NBN: variants seen among roughly 807,000 people sequenced by gnomAD.
NBN encodes the protein nibrin, also known as Nijmegen breakage syndrome 1 (nibrin).
NBN carries 88 observed loss-of-function variants against 90.8 expected under a neutral mutation model. The observed-to-expected ratio is 0.97, with a 90% CI of 0.82 to 1.16. The LOEUF is 1.16. Among genes scored for constraint, NBN ranks in the 50% most tolerant of loss-of-function variants. The pLI, the probability that NBN is intolerant of heterozygous loss-of-function variation, is 0.00. For synonymous variants in NBN, 328 were observed against 295.1 expected (o/e 1.11, Z -1.14); for missense variants, 894 against 869.6 (o/e 1.03, Z -0.35).
At chr8:89,947,678 AT>A in intron 12 of NBN, 145 bp downstream of exon 12, 1 of 466,090 alleles carries the variant, frequency 2.1e-6, no homozygotes, top group Non-Finnish European at 3.9e-6. Flanking sequence ...TAATAATACC[AT>A]GATCAATCCA....
At chr8:89,978,380 A>G (rs1361740616) in intron 4 of NBN, 57 bp from the exon 5 acceptor site, 1 of 1,470,728 alleles carries the variant, frequency 6.8e-7, no homozygotes, top group Non-Finnish European at 9.5e-7. Context: ...TTTTTAAAGA[A>G]AAGTTTTAAG....
chr8:89,935,640 A>G (rs1306480755), intron 15 of NBN, 28 bp from the exon 16 acceptor site: 2 of 1,601,920 alleles, frequency 1.2e-6, no homozygotes, highest in Middle Eastern at 1.7e-4. Context: ...GGGTTAAATG[A>G]TATTTAGATA....
chr8:89,974,059 C>T (rs1021708763), intron 5 of NBN, among the ~76,000 whole-genome samples: 8 of 152,036 alleles, frequency 5.3e-5, no homozygotes, highest in African/African-American at 1.9e-4. Flanking sequence ...TTCATCTAAC[C>T]TACAGTATAT....
At chr8:89,949,791 A>C (rs190841358) in intron 11 of NBN, among the ~76,000 whole-genome samples, 3 of 152,298 alleles carry the variant, frequency 2.0e-5, no homozygotes, top group East Asian at 3.9e-4. Context: ...CCTTCAAAAA[A>C]TCGCCAAAAA....
In NBN at chr8:89,937,090, A is replaced by G. The variant is rs1259580674; in HGVS notation, c.2185-15T>C. 2.5e-6 allele frequency: 4 copies of G among 1,609,764 alleles called. No individual in the cohort carries two copies. The highest frequency in any genetic ancestry group is 3.4e-6 in the Non-Finnish European group (4 of 1,177,230). On this transcript the variant is annotated splice_polypyrimidine_tract_variant and intron_variant, in intron 14 of 15. Transcript: ENST00000265433. The stretch of plus-strand genomic sequence containing the variant: ...TGATTTTGTACCTGTCAAAATTAAC[A>G]TAATTTCAAACATTTGCTCAGTGGT...
chr8:89,981,582 G>A (rs1812071912), intron 2 of NBN, 59 bp from the exon 3 acceptor site: 2 of 1,586,556 alleles, frequency 1.3e-6, no homozygotes, highest in Non-Finnish European at 1.7e-6. Flanking sequence ...ACTTCTCAGA[G>A]AAAAAGTTTT....
chr8:89,938,864 AT>A (rs1809807854), intron 14 of NBN, among the ~76,000 whole-genome samples: 2 of 152,318 alleles, frequency 1.3e-5, no homozygotes, highest in South Asian at 4.1e-4. Flanking sequence ...TACTGGCAAC[AT>A]TTTTCTAAAC....
chr8:89,971,314 T>C (rs750134688), intron 5 of NBN, 24 bp from the exon 6 acceptor site: 19 of 1,583,214 alleles, frequency 1.2e-5, no homozygotes, highest in Non-Finnish European at 1.6e-5. Flanking sequence ...TAAAGTATAT[T>C]CTAATTATAT....
chr8:89,966,716 G>C (rs984569563), intron 7 of NBN, among the ~76,000 whole-genome samples: 1 of 152,134 alleles, frequency 6.6e-6, no homozygotes, highest in African/African-American at 2.4e-5. Flanking sequence ...AAAGGGCCAA[G>C]AATAGCCAGG....
chr8:89,977,010 C>G (rs1805833), intron 5 of NBN, among the ~76,000 whole-genome samples: 77,387 of 151,920 alleles, frequency 0.51, 22,044 homozygotes, highest in African/African-American at 0.77. Flanking sequence ...GCTCAAAACA[C>G]ATTAAAATTA....
At chr8:89,958,880 A>T in intron 8 of NBN, 26 bp from the exon 9 acceptor site, 1 of 1,612,512 alleles carries the variant, frequency 6.2e-7, no homozygotes, top group Non-Finnish European at 8.5e-7. Flanking sequence ...GTAGAAAGAA[A>T]GAATCACAAC....
At chr8:89,960,550 G>A (rs557426881) in intron 8 of NBN, among the ~76,000 whole-genome samples, 4 of 152,140 alleles carry the variant, frequency 2.6e-5, no homozygotes, top group African/African-American at 9.6e-5. Flanking sequence ...TACTCAGGAG[G>A]GTGAGGCAGG....
Position 89,984,611 on chromosome 8 carries a change from C to T in NBN, c.-50G>A, listed in dbSNP as rs948759835. On this transcript the variant is annotated 5_prime_UTR_variant, in exon 1 of 16. Coordinates refer to ENST00000265433, the MANE Select transcript of NBN (RefSeq NM_002485.5). ...CCGACGTGCAACCGCGTAACCGGGG[C>T]TGCTAGACGAGCGCGGATACGGCGC... The T allele has an allele frequency of 1.2e-6, 2 of 1,606,914 alleles. No individual in the cohort carries two copies. The highest frequency in any genetic ancestry group is 1.3e-5 in the African/African-American group (1 of 74,778).
chr8:89,976,104 G>A (rs556746032), intron 5 of NBN, among the ~76,000 whole-genome samples: 2 of 152,178 alleles, frequency 1.3e-5, no homozygotes, highest in East Asian at 3.9e-4. Flanking sequence ...GGATTCTTAA[G>A]CCTCAGTCTT....
chr8:89,954,137 G>A (rs535663262), intron 10 of NBN, among the ~76,000 whole-genome samples: 14 of 152,118 alleles, frequency 9.2e-5, no homozygotes, highest in African/African-American at 2.4e-4. Context: ...TCTACAATAC[G>A]GTACTGACTG....
chr8:89,957,690 C>A (rs1430863607), intron 9 of NBN, among the ~76,000 whole-genome samples: 1 of 152,010 alleles, frequency 6.6e-6, no homozygotes, highest in Non-Finnish European at 1.5e-5. Context: ...TTTTTCTGTA[C>A]CTTTTCTATG....
At chr8:89,962,902 A>T (rs1475630627) in intron 8 of NBN, among the ~76,000 whole-genome samples, 2 of 152,212 alleles carry the variant, frequency 1.3e-5, no homozygotes, top group African/African-American at 4.8e-5. Flanking sequence ...TTAAAATATA[A>T]GCCATTTGTA....
chr8:89,981,748 T>C, intron 2 of NBN: 3 of 557,178 alleles, frequency 5.4e-6, no homozygotes, highest in Non-Finnish European at 9.4e-6. Flanking sequence ...AGAACACACA[T>C]GTTCTTTATT....
intron 14 of NBN, among the ~76,000 whole-genome samples, chr8:89,938,338 T>C (rs191941451): frequency 1.3e-5 from 2 of 152,238 alleles, no homozygotes; most frequent in African/African-American, 4.8e-5. Flanking sequence ...GTTATGTAAT[T>C]TTGCTTAAAG....
Sources: gnomAD v4.1 joint callset for allele counts (sites outside exome capture counted in the v4.1 genomes callset) on GRCh38, gnomAD v4.1.1 for gene constraint, MANE v1.5 for transcripts, NCBI Gene and HGNC (gene_info 2026-07-23, HGNC 2026-07-21) for gene names.